The following VEGFC variants were observed in gnomAD, a reference collection of about 807,000 sequenced individuals.
VEGFC encodes vascular endothelial growth factor C, also known as FLT4 ligand DHM.
A neutral mutation model predicts 46.1 loss-of-function variants in VEGFC; 12 were observed. The observed-to-expected ratio is 0.26, with a 90% CI of 0.17 to 0.42. VEGFC has a LOEUF of 0.42. Among genes scored for constraint, VEGFC ranks in the 10% least tolerant of loss-of-function variants. The probability of loss-of-function intolerance (pLI) is 1.00; values close to 1 mark genes in which losing one functional copy is unlikely to be tolerated. For synonymous variants in VEGFC, 232 were observed against 195.5 expected (o/e 1.19, Z -1.56); for missense variants, 488 against 529.4 (o/e 0.92, Z 0.77).
At chr4:176,685,648 CAT>C (rs563003175) in intron 6 of VEGFC, among the ~76,000 whole-genome samples, 47 of 151,832 alleles carry the variant, frequency 3.1e-4, no homozygotes, top group Non-Finnish European at 6.0e-4. Context: ...CAATATAAAA[CAT>C]AGTTTAATAA....
At chr4:176,735,352 A>G (rs1047655076) in intron 1 of VEGFC, among the ~76,000 whole-genome samples, 3 of 151,872 alleles carry the variant, frequency 2.0e-5, no homozygotes, top group African/African-American at 7.2e-5. Context: ...AATGTTAGTG[A>G]TTGTGTATTT....
At chr4:176,770,788 A>AC (rs1396167158) in intron 1 of VEGFC, among the ~76,000 whole-genome samples, 7 of 152,040 alleles carry the variant, frequency 4.6e-5, no homozygotes, top group African/African-American at 1.7e-4. Flanking sequence ...GCTGGCAAAC[A>AC]CTGAGGCCTG....
At chr4:176,781,899 C>A (rs150000337) in intron 1 of VEGFC, among the ~76,000 whole-genome samples, 2 of 152,292 alleles carry the variant, frequency 1.3e-5, no homozygotes, top group Non-Finnish European at 1.5e-5. Context: ...ATTAAGTAGT[C>A]GGCTTCCCAT....
chr4:176,718,657 G>A (rs1451313144), intron 3 of VEGFC, among the ~76,000 whole-genome samples: 1 of 152,076 alleles, frequency 6.6e-6, no homozygotes, highest in East Asian at 1.9e-4. Context: ...GGCTTCTTTA[G>A]TCTGGCACTA....
chr4:176,770,734 A>T (rs554032347), intron 1 of VEGFC, among the ~76,000 whole-genome samples: 1 of 152,248 alleles, frequency 6.6e-6, no homozygotes, highest in African/African-American at 2.4e-5. Flanking sequence ...GTTTCAGAAG[A>T]TTAGGACACA....
At chr4:176,718,186 G>C (rs1734726814) in intron 3 of VEGFC, among the ~76,000 whole-genome samples, 2 of 152,110 alleles carry the variant, frequency 1.3e-5, no homozygotes, top group Admixed American at 1.3e-4. Context: ...TACTGGCATA[G>C]AGTTCTTTTT....
intron 1 of VEGFC, among the ~76,000 whole-genome samples, chr4:176,786,294 T>G (rs965425559): frequency 6.6e-6 from 1 of 152,220 alleles, no homozygotes; most frequent in African/African-American, 2.4e-5. Context: ...CTTCCCACCA[T>G]GCTCCCTTCA....
chr4:176,713,052 T>G (rs73872161), intron 3 of VEGFC, among the ~76,000 whole-genome samples: 11,764 of 152,244 alleles, frequency 0.077, 475 homozygotes, highest in Non-Finnish European at 0.091. Context: ...TGACTCATTA[T>G]TCTCAGATTA....
At chr4:176,739,822 A>G (rs999863184) in intron 1 of VEGFC, among the ~76,000 whole-genome samples, 2 of 151,396 alleles carry the variant, frequency 1.3e-5, no homozygotes, top group Non-Finnish European at 2.9e-5. Context: ...GGAACAAACC[A>G]CAGATTGAAA....
chr4:176,706,817 A>G (rs1173413349), intron 4 of VEGFC, among the ~76,000 whole-genome samples: 1 of 152,152 alleles, frequency 6.6e-6, no homozygotes, highest in Non-Finnish European at 1.5e-5. Context: ...ATGTATCCAC[A>G]TTAACTACTG....
chr4:176,773,428 C>T (rs997273656), intron 1 of VEGFC, among the ~76,000 whole-genome samples: 2 of 152,148 alleles, frequency 1.3e-5, no homozygotes, highest in African/African-American at 4.8e-5. Flanking sequence ...CCCATTTTAA[C>T]TGATACTCTC....
At chr4:176,712,456 CATTG>C (rs745364501) in intron 3 of VEGFC, among the ~76,000 whole-genome samples, 2 of 152,134 alleles carry the variant, frequency 1.3e-5, no homozygotes, top group African/African-American at 2.4e-5. Flanking sequence ...ACAAATACAT[CATTG>C]ATTAAGTAAA....
chr4:176,740,862 C>G (rs558759954), intron 1 of VEGFC, among the ~76,000 whole-genome samples: 1 of 151,684 alleles, frequency 6.6e-6, no homozygotes. Flanking sequence ...TCAATTAACA[C>G]GTTTATTACA....
Position 176,746,386 on chromosome 4 carries a change from T to C in VEGFC, c.148-16640A>G, listed in dbSNP as rs1735258335. Among the ~76,000 whole-genome samples the C allele has an allele frequency of 2.6e-5, 4 of 152,190 alleles. No individual in the cohort carries two copies. In the East Asian group the frequency reaches 5.8e-4, roughly 22 times the overall value. ...ACAAATGATATGTCAGAGAGAAAGA[T>C]GTGAAATCCCACTGATGTCCAGGAG... On this transcript the variant is annotated intron_variant, in intron 1 of 6. Coordinates refer to ENST00000618562, the MANE Select transcript of VEGFC (RefSeq NM_005429.5).
At chr4:176,695,195 T>G (rs1734286592) in intron 4 of VEGFC, among the ~76,000 whole-genome samples, 1 of 151,816 alleles carries the variant, frequency 6.6e-6, no homozygotes, top group South Asian at 2.1e-4. Context: ...CAGGAGCTGG[T>G]TTTTTGAAGG....
At chr4:176,753,314 A>G (rs1477195311) in intron 1 of VEGFC, among the ~76,000 whole-genome samples, 1 of 152,072 alleles carries the variant, frequency 6.6e-6, no homozygotes, top group Non-Finnish European at 1.5e-5. Flanking sequence ...TTAAGAAGAG[A>G]GAAGCCAGCA....
In VEGFC at chr4:176,683,871, G is replaced by C; in HGVS notation, c.*55C>G. 7.0e-7 allele frequency: 1 copy of C among 1,438,240 alleles called. No homozygotes were observed. The highest frequency in any genetic ancestry group is 1.1e-5 in the South Asian group (1 of 87,282). 89.1% of individuals were successfully genotyped at this position (1,438,240 alleles called of 1,614,324 possible). A position where few individuals can be genotyped will look rare whatever the true frequency, so the allele number is the denominator to read the frequency against. ...CTCTCTGTTCACAGACAGTTCTACT[G>C]TGGCAACACAGTTTTCCATAATAGA... is the stretch of plus-strand genomic sequence containing the variant. On this transcript the variant is annotated 3_prime_UTR_variant, in exon 7 of 7. Coordinates refer to ENST00000618562, the MANE Select transcript of VEGFC (RefSeq NM_005429.5).
At chr4:176,706,317 T>C (rs962071438) in intron 4 of VEGFC, among the ~76,000 whole-genome samples, 6 of 152,036 alleles carry the variant, frequency 3.9e-5, no homozygotes, top group Admixed American at 3.9e-4. Flanking sequence ...TAAAATGTTA[T>C]TGTAAAGGTT....
chr4:176,784,610 G>A (rs1246025158), intron 1 of VEGFC, among the ~76,000 whole-genome samples: 5 of 151,366 alleles, frequency 3.3e-5, no homozygotes, highest in African/African-American at 7.3e-5. Flanking sequence ...AAAATTAGCT[G>A]GGTGTGGTGG....
Sources: allele counts gnomAD v4.1 joint callset (sites outside exome capture counted in the v4.1 genomes callset), GRCh38; gene constraint gnomAD v4.1.1; transcripts MANE v1.5; gene names NCBI Gene and HGNC (gene_info 2026-07-23, HGNC 2026-07-21).